Variants in RILPL1 observed in about 807,000 individuals in gnomAD.
RILPL1 encodes the protein Rab interacting lysosomal protein like 1, also known as RILP-like protein 1.
A neutral mutation model predicts 50.3 loss-of-function variants in RILPL1; 33 were observed. The observed-to-expected ratio is 0.66, with a 90% CI of 0.50 to 0.88. RILPL1 has a LOEUF of 0.88. RILPL1 is among the 40% of genes least tolerant of loss of function. The pLI is 0.00. For missense variants in RILPL1, 418 were observed against 542.5 expected, an observed-to-expected ratio of 0.77 and a Z score of 2.28; for synonymous variants, 205 against 228.6, an observed-to-expected ratio of 0.90 and a Z score of 0.93.
chr12:123,488,950 C>CGG (rs1330961844), intron 4 of RILPL1, among the ~76,000 whole-genome samples: 1 of 152,144 alleles, frequency 6.6e-6, no homozygotes, highest in Non-Finnish European at 1.5e-5. Context: ...CTTCAATGTC[C>CGG]GATCTCCTCT....
At chr12:123,518,890 C>T (rs769998787) in intron 2 of RILPL1, among the ~76,000 whole-genome samples, 16 of 151,756 alleles carry the variant, frequency 1.1e-4, no homozygotes, top group Non-Finnish European at 1.9e-4. Flanking sequence ...AATCCCGTCT[C>T]CGCTAAAAAT....
intron 1 of RILPL1, among the ~76,000 whole-genome samples, chr12:123,532,708 G>GT (rs1555270629): frequency 4.5e-5 from 6 of 134,328 alleles, no homozygotes; most frequent in African/African-American, 1.5e-4. Flanking sequence ...GAGACTGGGG[G>GT]GGGGGGGGAT....
chr12:123,525,383 A>ACT lies in RILPL1; in HGVS notation c.310-1739_310-1738insAG, dbSNP rs1555270040. On this transcript the variant is annotated intron_variant, in intron 1 of 6. Transcript: ENST00000376874. The stretch of plus-strand genomic sequence containing the variant: ...AGGCAGACGCCACCATGACTGGCTA[A>ACT]TTTTTTTTTTTTTTTTTAGAGATGG... Among the ~76,000 whole-genome samples, 8 of 134,388 alleles carry ACT rather than the reference A, an allele frequency of 6.0e-5. No individual in the cohort carries two copies. In the Admixed American group the frequency reaches 6.1e-4, roughly 10 times the overall value. The allele number at this position is 134,388 out of a possible 152,430, so 88.2% of individuals were successfully genotyped here. A position where few individuals can be genotyped will look rare whatever the true frequency, so the allele number is the denominator to read the frequency against.
intron 2 of RILPL1, among the ~76,000 whole-genome samples, chr12:123,515,069 T>TA (rs1884611167): frequency 6.6e-6 from 1 of 151,954 alleles, no homozygotes. Context: ...TAGCTGGGAC[T>TA]ACAGGTGTGC....
intron 1 of RILPL1, among the ~76,000 whole-genome samples, chr12:123,526,516 T>C (rs1005770306): frequency 2.0e-5 from 3 of 152,064 alleles, no homozygotes; most frequent in Admixed American, 6.6e-5. Flanking sequence ...AAATGGTTAC[T>C]ATAAGTAAAG....
At chr12:123,510,782 T>TGA (rs1884073964) in intron 2 of RILPL1, among the ~76,000 whole-genome samples, 1 of 82,964 alleles carries the variant, frequency 1.2e-5, no homozygotes. Flanking sequence ...TGTGTGTGTG[T>TGA]GGTATATGTG....
At position 123,489,520 on chromosome 12, in the gene RILPL1, C is replaced by T. The variant is rs979503293; in HGVS notation, c.802-3715G>A. On this transcript the variant is annotated intron_variant, in intron 4 of 6. Transcript: ENST00000376874. The surrounding 1 kb of genome is among the most constrained non-coding windows in gnomAD (Gnocchi z 4.0). The stretch of plus-strand genomic sequence containing the variant: ...TCTACTAAAAAACACAAAAATTAGT[C>T]AGGCATGGTGGTGGGCACCTGTAAT... Among the ~76,000 whole-genome samples, 2 of 151,956 alleles carry T rather than the reference C, an allele frequency of 1.3e-5. No individual in the cohort carries two copies. The highest frequency in any genetic ancestry group is 4.8e-5 in the African/African-American group (2 of 41,354).
chr12:123,488,357 C>A (rs1882476591), intron 4 of RILPL1, among the ~76,000 whole-genome samples: 1 of 151,678 alleles, frequency 6.6e-6, no homozygotes, highest in African/African-American at 2.4e-5. Context: ...ATGAGGATCA[C>A]CTGAGCCCAG....
chr12:123,500,106 AT>A (rs1883278367), intron 2 of RILPL1, among the ~76,000 whole-genome samples: 1 of 151,040 alleles, frequency 6.6e-6, no homozygotes, highest in Admixed American at 6.6e-5. Flanking sequence ...AAATTTTTGT[AT>A]TTTTAGTAGA....
chr12:123,499,855 C>T (rs193293859), intron 2 of RILPL1, among the ~76,000 whole-genome samples: 5 of 152,274 alleles, frequency 3.3e-5, no homozygotes, highest in African/African-American at 1.2e-4. Flanking sequence ...CTCCCTTCCT[C>T]TGACCACTCA....
chr12:123,529,100 C>T (rs986199430), intron 1 of RILPL1, among the ~76,000 whole-genome samples: 1 of 152,200 alleles, frequency 6.6e-6, no homozygotes, highest in Admixed American at 6.5e-5. Context: ...GACCTTTGCA[C>T]TAGCCACGTC....
intron 2 of RILPL1, among the ~76,000 whole-genome samples, chr12:123,521,743 A>T (rs1885068948): frequency 7.0e-6 from 1 of 142,186 alleles, no homozygotes; most frequent in African/African-American, 2.6e-5. Context: ...GTATATATAT[A>T]AAAATATATA....
At chr12:123,490,750 C>CT (rs36045938) in intron 4 of RILPL1, among the ~76,000 whole-genome samples, 3,548 of 132,756 alleles carry the variant, frequency 0.027, 134 homozygotes, top group African/African-American at 0.081. Flanking sequence ...AAAGTCCTGA[C>CT]TTTTTTTTTT....
chr12:123,491,821 A>G lies in RILPL1; in HGVS notation c.802-6016T>C, dbSNP rs1360203005. ...AGAGTTCGAGATCAGCCTGGGCAAC[A>G]TGGTAAAACCCTGTCTCTACTAAAA... is the stretch of plus-strand genomic sequence containing the variant. On this transcript the variant is annotated intron_variant, in intron 4 of 6. Coordinates refer to ENST00000376874, the MANE Select transcript of RILPL1 (RefSeq NM_178314.5). This position sits in a 1 kb window ranked among gnomAD's most constrained non-coding sequence, Gnocchi z 4.0. Among the ~76,000 whole-genome samples, 1 of 152,094 alleles carries G rather than the reference A, an allele frequency of 6.6e-6. No individual in the cohort carries two copies.
intron 2 of RILPL1, among the ~76,000 whole-genome samples, chr12:123,511,142 G>GGT (rs1566135274): frequency 1.6e-5 from 2 of 128,334 alleles, no homozygotes; most frequent in Admixed American, 7.9e-5. Flanking sequence ...GTGTGTGTGT[G>GGT]GTGTGTGTGA....
Position 123,491,112 on chromosome 12 carries a change from G to A in RILPL1, c.802-5307C>T, listed in dbSNP as rs920614722. On this transcript the variant is annotated intron_variant, in intron 4 of 6. Coordinates refer to ENST00000376874, the MANE Select transcript of RILPL1 (RefSeq NM_178314.5). This position sits in a 1 kb window ranked among gnomAD's most constrained non-coding sequence, Gnocchi z 4.0. ...GGACAGCCCTGGGCTCCAGCTTCTC[G>A]AGAGGCCACCAGGCAGTGACCGCAG... Among the ~76,000 whole-genome samples the A allele has an allele frequency of 2.6e-5, 4 of 152,180 alleles. No individual in the cohort carries two copies. Among genetic ancestry groups the A allele is most frequent in the African/African-American group, 9.7e-5 (4 of 41,448 alleles).
chr12:123,521,008 C>A (rs1372472807), intron 2 of RILPL1, among the ~76,000 whole-genome samples: 1 of 152,190 alleles, frequency 6.6e-6, no homozygotes, highest in Non-Finnish European at 1.5e-5. Context: ...GATCTGGGTT[C>A]ACTTCTGACT....
At chr12:123,513,348 AC>A in intron 2 of RILPL1, 1 of 396,840 alleles carries the variant, frequency 2.5e-6, no homozygotes. Context: ...GGGCGCCAGG[AC>A]CCACTCACTC....
At chr12:123,514,872 T>C (rs1211857580) in intron 2 of RILPL1, among the ~76,000 whole-genome samples, 1 of 152,166 alleles carries the variant, frequency 6.6e-6, no homozygotes, top group African/African-American at 2.4e-5. Flanking sequence ...TTGTTATCTG[T>C]ATATTACATG....
Sources: gnomAD v4.1 joint callset for allele counts (sites outside exome capture counted in the v4.1 genomes callset) on GRCh38, gnomAD v4.1.1 for gene constraint, Gnocchi (gnomAD v3.1) non-coding constraint, MANE v1.5 for transcripts, NCBI Gene and HGNC (gene_info 2026-07-23, HGNC 2026-07-21) for gene names.